Variants in CAMK4 observed in about 807,000 individuals in gnomAD.
The protein encoded by CAMK4 is calcium/calmodulin dependent protein kinase IV, also known as calcium/calmodulin-dependent protein kinase type IV.
A neutral mutation model predicts 44.9 loss-of-function variants in CAMK4; 22 were observed. The ratio of observed to expected loss-of-function variants is 0.49; its 90% CI spans 0.35 to 0.70. The LOEUF is 0.70. Ranked by LOEUF, CAMK4 falls within the 30% of genes least tolerant of loss-of-function variation. CAMK4 has a pLI of 0.01. For synonymous variants in CAMK4, 218 were observed against 215.4 expected, an observed-to-expected ratio of 1.01 and a Z score of -0.11; for missense variants, 498 against 586.8, an observed-to-expected ratio of 0.85 and a Z score of 1.56.
chr5:111,443,171 G>A (rs1428102532), intron 5 of CAMK4, among the ~76,000 whole-genome samples: 1 of 145,162 alleles, frequency 6.9e-6, no homozygotes, highest in African/African-American at 2.5e-5. Context: ...GTTTATCAGG[G>A]GATGTAAACA....
chr5:111,415,784 A>G (rs751574406), intron 5 of CAMK4, among the ~76,000 whole-genome samples: 2 of 152,212 alleles, frequency 1.3e-5, no homozygotes, highest in Non-Finnish European at 2.9e-5. Context: ...TTCCACATCC[A>G]TGGATCCAGT....
chr5:111,386,670 T>C (rs2112846597), intron 4 of CAMK4, among the ~76,000 whole-genome samples: 1 of 152,320 alleles, frequency 6.6e-6, no homozygotes, highest in Non-Finnish European at 1.5e-5. Context: ...TCCTATAAAT[T>C]TTAAATGATG....
chr5:111,299,977 G>A (rs896012635), intron 1 of CAMK4, among the ~76,000 whole-genome samples: 1 of 152,190 alleles, frequency 6.6e-6, no homozygotes, highest in Non-Finnish European at 1.5e-5. Flanking sequence ...AAGCAAGCCA[G>A]CAAGCAGCCC....
intron 1 of CAMK4, among the ~76,000 whole-genome samples, chr5:111,264,935 T>A (rs1750169800): frequency 6.6e-6 from 1 of 152,192 alleles, no homozygotes; most frequent in South Asian, 2.1e-4. Context: ...TTCTTGCCGT[T>A]GACCTTTCAG....
chr5:111,408,402 G>T (rs988480722), intron 5 of CAMK4, among the ~76,000 whole-genome samples: 4 of 152,170 alleles, frequency 2.6e-5, no homozygotes, highest in African/African-American at 9.7e-5. Flanking sequence ...GAGGGCTTTT[G>T]CATCGGATCT....
At chr5:111,235,934 G>T (rs1440297068) in intron 1 of CAMK4, among the ~76,000 whole-genome samples, 3 of 152,214 alleles carry the variant, frequency 2.0e-5, no homozygotes, top group Non-Finnish European at 4.4e-5. Context: ...TGGACAGCTG[G>T]ATTGGTGAAG....
intron 7 of CAMK4, among the ~76,000 whole-genome samples, chr5:111,472,011 G>A (rs1265234873): frequency 6.6e-6 from 1 of 152,044 alleles, no homozygotes; most frequent in Non-Finnish European, 1.5e-5. Context: ...TCCTGCCTCA[G>A]CCTCCCGAGT....
intron 1 of CAMK4, among the ~76,000 whole-genome samples, chr5:111,323,298 T>C (rs190239057): frequency 2.0e-5 from 3 of 152,094 alleles, no homozygotes; most frequent in Admixed American, 6.6e-5. Context: ...TTTTTTTTAC[T>C]TTATGATGGG....
At position 111,460,851 on chromosome 5, in the gene CAMK4, A is replaced by AT. The variant is rs552877300; in HGVS notation, c.625+11657dup. On this transcript the variant is annotated intron_variant, in intron 7 of 10. Coordinates refer to ENST00000282356, the MANE Select transcript of CAMK4 (RefSeq NM_001744.6). ...TCACAGGGCAATAAAAATAAGTTGT[A>AT]TTTTTTTTTCCTTTTTTGAAAGCAC... Among the ~76,000 whole-genome samples, 1,477 of 151,002 alleles carry AT rather than the reference A, an allele frequency of 9.8e-3. 12 individuals carry two copies. Among genetic ancestry groups the AT allele is most frequent in the Admixed American group, 0.018 (269 of 15,138 alleles).
At position 111,474,140 on chromosome 5, in the gene CAMK4, G is replaced by A. The variant is rs1395838889; in HGVS notation, c.701+754G>A. Among the ~76,000 whole-genome samples, 3 of 152,160 alleles carry A rather than the reference G, an allele frequency of 2.0e-5. No individual in the cohort carries two copies. The East Asian group carries it at 5.8e-4, about 29-fold the overall frequency. On this transcript the variant is annotated intron_variant, in intron 8 of 10. Coordinates refer to ENST00000282356, the MANE Select transcript of CAMK4 (RefSeq NM_001744.6). ...TTTCAAGAGTTTAGTTCAAAACAAG[G>A]AGACTTAGTTGCCATTTAGAGAGTA... is the stretch of plus-strand genomic sequence containing the variant.
chr5:111,456,491 AAAAAAT>A (rs3066728), intron 7 of CAMK4, among the ~76,000 whole-genome samples: 100,748 of 149,708 alleles, frequency 0.67, 35,968 homozygotes, highest in Non-Finnish European at 0.8. Context: ...ACTCCATCTC[AAAAAAT>A]AAAAATAAAA....
intron 1 of CAMK4, among the ~76,000 whole-genome samples, chr5:111,264,633 G>A (rs1041719018): frequency 6.6e-6 from 1 of 152,160 alleles, no homozygotes; most frequent in Middle Eastern, 3.4e-3. Flanking sequence ...GCCGATATCC[G>A]TTTCAGCTTG....
intron 5 of CAMK4, among the ~76,000 whole-genome samples, chr5:111,406,325 G>A (rs1052243486): frequency 6.6e-6 from 1 of 151,872 alleles, no homozygotes; most frequent in African/African-American, 2.4e-5. Context: ...CTGGGTTCAA[G>A]CAATTCTCCT....
At chr5:111,228,436 A>G (rs767720583) in intron 1 of CAMK4, among the ~76,000 whole-genome samples, 24 of 151,886 alleles carry the variant, frequency 1.6e-4, no homozygotes, top group Non-Finnish European at 2.5e-4. Flanking sequence ...TGTCAACTCA[A>G]TTAAACTAAT....
chr5:111,312,689 T>G (rs1283537843), intron 1 of CAMK4, among the ~76,000 whole-genome samples: 1 of 152,166 alleles, frequency 6.6e-6, no homozygotes, highest in Non-Finnish European at 1.5e-5. Context: ...AGGTTGTGCC[T>G]TCTAAGTCTT....
At chr5:111,412,878 C>A (rs1317582863) in intron 5 of CAMK4, among the ~76,000 whole-genome samples, 1 of 152,174 alleles carries the variant, frequency 6.6e-6, no homozygotes, top group Non-Finnish European at 1.5e-5. Flanking sequence ...GAAATTTCTA[C>A]ATAATCCAAC....
intron 2 of CAMK4, among the ~76,000 whole-genome samples, chr5:111,360,776 G>T (rs1261982049): frequency 6.6e-6 from 1 of 152,032 alleles, no homozygotes; most frequent in African/African-American, 2.4e-5. Context: ...GAAAAGTGAA[G>T]CTCTGGGTTC....
chr5:111,432,412 T>G (rs1017110704), intron 5 of CAMK4, among the ~76,000 whole-genome samples: 1 of 151,622 alleles, frequency 6.6e-6, no homozygotes, highest in Non-Finnish European at 1.5e-5. Context: ...CCAAGAAAAA[T>G]TAAAAAGAAT....
rs534552536 is a variant in CAMK4, at chr5:111,288,830, AG to A, written c.162-55193del. ...TGATCAAGCTGCTAGTAGTTGTGAT[AG>A]ATTACTCAGTCTCAGAAGATTGTTC... On this transcript the variant is annotated intron_variant, in intron 1 of 10. Coordinates refer to ENST00000282356, the MANE Select transcript of CAMK4 (RefSeq NM_001744.6). Among the ~76,000 whole-genome samples, 8 of 152,350 alleles carry A rather than the reference AG, an allele frequency of 5.3e-5. No individual in the cohort carries two copies. The South Asian group carries it at 1.7e-3, about 32-fold the overall frequency.
Sources: allele counts gnomAD v4.1 joint callset (sites outside exome capture counted in the v4.1 genomes callset), GRCh38; gene constraint gnomAD v4.1.1; transcripts MANE v1.5; gene names NCBI Gene and HGNC (gene_info 2026-07-23, HGNC 2026-07-21).